Variants in PTPRD observed in about 807,000 individuals in gnomAD.
The protein encoded by PTPRD is receptor-type tyrosine-protein phosphatase delta.
A neutral mutation model predicts 214.5 loss-of-function variants in PTPRD; 34 were observed. The observed-to-expected ratio is 0.16, with a 90% CI of 0.12 to 0.21. The LOEUF (loss-of-function observed/expected upper bound fraction) is 0.21, where lower values mean the gene tolerates loss of function less well. Ranked by LOEUF, PTPRD falls within the 10% of genes least tolerant of loss-of-function variation. PTPRD has a pLI of 1.00. For missense variants in PTPRD, 2,545 were observed against 2,398.7 expected (o/e 1.06, Z -1.27); for synonymous variants, 1,128 against 845.7 (o/e 1.33, Z -5.79).
chr9:8,546,894 G>A (rs1593334316), intron 14 of PTPRD, among the ~76,000 whole-genome samples: 1 of 152,336 alleles, frequency 6.6e-6, no homozygotes, highest in East Asian at 1.9e-4. Flanking sequence ...GTCTAGAGAT[G>A]TTAGTAGATT....
At chr9:9,425,010 TATTATATCA>T (rs2080279369) in intron 8 of PTPRD, among the ~76,000 whole-genome samples, 2 of 152,146 alleles carry the variant, frequency 1.3e-5, no homozygotes, top group Admixed American at 1.3e-4. Flanking sequence ...GCAGAAGTGT[TATTATATCA>T]GTTCTTAGTT....
chr9:8,571,567 C>A (rs2091164454), intron 14 of PTPRD, among the ~76,000 whole-genome samples: 1 of 152,088 alleles, frequency 6.6e-6, no homozygotes, highest in South Asian at 2.1e-4. Flanking sequence ...TCTTCACAAA[C>A]CTTGCTGAGA....
At chr9:10,377,268 T>A (rs995163274) in intron 2 of PTPRD, among the ~76,000 whole-genome samples, 4 of 152,038 alleles carry the variant, frequency 2.6e-5, no homozygotes, top group African/African-American at 9.7e-5. Context: ...CACTCCATTA[T>A]GTATAAGTAC....
chr9:9,596,998 GA>G (rs2093401694), intron 7 of PTPRD, among the ~76,000 whole-genome samples: 1 of 151,990 alleles, frequency 6.6e-6, no homozygotes. Context: ...CCTCCAGACT[GA>G]CAAGTAAGTA....
intron 11 of PTPRD, among the ~76,000 whole-genome samples, chr9:8,744,608 A>C (rs1659359490): frequency 6.6e-6 from 1 of 152,208 alleles, no homozygotes; most frequent in Non-Finnish European, 1.5e-5. Flanking sequence ...GAGGATGCAA[A>C]GGCATAAAAA....
At chr9:9,211,515 G>GCACACACACACACA (rs36213005) in intron 9 of PTPRD, among the ~76,000 whole-genome samples, 1 of 143,542 alleles carries the variant, frequency 7.0e-6, no homozygotes, top group Non-Finnish European at 1.5e-5. Flanking sequence ...GTGTGCGCAC[G>GCACACACACACACA]CACACACACA....
intron 11 of PTPRD, among the ~76,000 whole-genome samples, chr9:8,754,351 A>C (rs1424799928): frequency 6.6e-6 from 1 of 152,214 alleles, no homozygotes. Flanking sequence ...ACCAGTTACC[A>C]AGACTTATTA....
intron 8 of PTPRD, among the ~76,000 whole-genome samples, chr9:9,441,456 A>G (rs772568345): frequency 5.9e-5 from 9 of 152,206 alleles, no homozygotes; most frequent in Non-Finnish European, 1.0e-4. Context: ...AAGTGGTGGA[A>G]AGTATTTGAG....
intron 17 of PTPRD, 95 bp from the exon 18 acceptor site, chr9:8,525,130 A>C (rs2139210344): frequency 9.6e-7 from 1 of 1,038,166 alleles, no homozygotes; most frequent in East Asian, 2.4e-5. Context: ...AAAGCCCTGC[A>C]AAGCGAAGGT....
chr9:10,579,883 G>C (rs924968548), intron 2 of PTPRD, among the ~76,000 whole-genome samples: 2 of 151,976 alleles, frequency 1.3e-5, no homozygotes, highest in South Asian at 2.1e-4. Flanking sequence ...TCACGTGTTT[G>C]TTGGCCACTT....
At chr9:10,095,930 A>G (rs545991884) in intron 3 of PTPRD, among the ~76,000 whole-genome samples, 13 of 151,578 alleles carry the variant, frequency 8.6e-5, no homozygotes, top group Admixed American at 5.3e-4. Flanking sequence ...TTGCCATTAT[A>G]TCCAATCTCT....
At chr9:9,502,329 G>A (rs551761641) in intron 8 of PTPRD, among the ~76,000 whole-genome samples, 1 of 151,774 alleles carries the variant, frequency 6.6e-6, no homozygotes, top group Non-Finnish European at 1.5e-5. Context: ...CTGTGATGTT[G>A]ATTGTTTTAG....
At chr9:10,528,004 C>T (rs894695035) in intron 2 of PTPRD, among the ~76,000 whole-genome samples, 3 of 151,992 alleles carry the variant, frequency 2.0e-5, no homozygotes, top group Non-Finnish European at 2.9e-5. Flanking sequence ...CTAATCATGA[C>T]CTAAACCTTC....
rs557704910 is a variant in PTPRD, at chr9:8,657,770, T to A, written c.65-20926A>T. Among the ~76,000 whole-genome samples, 8 of 152,282 alleles carry A rather than the reference T, an allele frequency of 5.3e-5. No individual in the cohort carries two copies. In the East Asian group the frequency reaches 1.5e-3, roughly 29 times the overall value. On this transcript the variant is annotated intron_variant, in intron 12 of 45. Coordinates refer to ENST00000381196, the MANE Select transcript of PTPRD (RefSeq NM_002839.4). ...CATTTTACTAAGTCTAAGTTTTATATCCTCTGCAGAAATTGGCACATGGGT... is the reference window on the plus strand; with the variant it reads ...CATTTTACTAAGTCTAAGTTTTATAACCTCTGCAGAAATTGGCACATGGGT...
chr9:10,192,546 TAGG>T (rs1197756991), intron 3 of PTPRD, among the ~76,000 whole-genome samples: 2 of 150,442 alleles, frequency 1.3e-5, no homozygotes, highest in African/African-American at 4.9e-5. Context: ...GTGGTTTCAA[TAGG>T]AGGACAGTGA....
intron 5 of PTPRD, among the ~76,000 whole-genome samples, chr9:9,891,765 C>T (rs2073424157): frequency 6.6e-6 from 1 of 152,040 alleles, no homozygotes; most frequent in African/African-American, 2.4e-5. Context: ...TACATAGGCA[C>T]ATAAAACTTA....
At chr9:10,276,092 A>G (rs777128123) in intron 3 of PTPRD, among the ~76,000 whole-genome samples, 1 of 152,208 alleles carries the variant, frequency 6.6e-6, no homozygotes, top group Non-Finnish European at 1.5e-5. Flanking sequence ...ATCTTCTGAG[A>G]AAGTTTTTAC....
At chr9:9,386,719 T>C (rs1193994567) in intron 9 of PTPRD, among the ~76,000 whole-genome samples, 2 of 152,160 alleles carry the variant, frequency 1.3e-5, no homozygotes, top group Non-Finnish European at 2.9e-5. Flanking sequence ...TTATGATTAA[T>C]ATTTCTGTGT....
chr9:8,710,145 T>C (rs1360036580), intron 12 of PTPRD, among the ~76,000 whole-genome samples: 1 of 152,216 alleles, frequency 6.6e-6, no homozygotes, highest in Admixed American at 6.5e-5. Context: ...TCTTTGTTAC[T>C]AATATTAGAA....
Sources: gnomAD v4.1 joint callset for allele counts (sites outside exome capture counted in the v4.1 genomes callset) on GRCh38, gnomAD v4.1.1 for gene constraint, MANE v1.5 for transcripts, NCBI Gene and HGNC (gene_info 2026-07-23, HGNC 2026-07-21) for gene names.